KLHL12: variants seen among roughly 807,000 people sequenced by gnomAD.
The protein encoded by KLHL12 is kelch like family member 12.
In KLHL12, 17 loss-of-function variants were observed where a neutral mutation model predicts 60.8. That is an observed-to-expected ratio of 0.28 (90% CI 0.19 to 0.42). The LOEUF (loss-of-function observed/expected upper bound fraction) is 0.42, where lower values mean the gene tolerates loss of function less well. KLHL12 is among the 10% of genes least tolerant of loss of function. The pLI, the probability that KLHL12 is intolerant of heterozygous loss-of-function variation, is 1.00. For synonymous variants in KLHL12, 220 were observed against 250.9 expected, an observed-to-expected ratio of 0.88 and a Z score of 1.16; for missense variants, 468 against 722.3, an observed-to-expected ratio of 0.65 and a Z score of 4.04.
At chr1:202,894,104 G>A in intron 10 of KLHL12, 80 bp downstream of exon 10, 1 of 758,694 alleles carries the variant, frequency 1.3e-6, no homozygotes, top group Non-Finnish European at 2.2e-6. Context: ...TTAATCTACG[G>A]TTTGTCCCAT....
rs1194495042 is a variant in KLHL12 at position 202,893,888 on chromosome 1, T to G, written c.1393+296A>C. 6.6e-6 allele frequency among the ~76,000 whole-genome samples: 1 copy of G among 152,254 alleles called. No individual in the cohort carries two copies. The highest frequency in any genetic ancestry group is 1.5e-5 in the Non-Finnish European group (1 of 68,052). ...GTAAGTAGCTACTCTTTTGTCCTTATGCATTAGAGACTTTATTTAACAGAT... is the reference window on the plus strand; with the variant it reads ...GTAAGTAGCTACTCTTTTGTCCTTAGGCATTAGAGACTTTATTTAACAGAT... On this transcript the variant is annotated intron_variant, in intron 10 of 11. Coordinates refer to ENST00000367261, the MANE Select transcript of KLHL12 (RefSeq NM_021633.4). The surrounding 1 kb of genome is among the most constrained non-coding windows in gnomAD (Gnocchi z 4.1).
chr1:202,911,999 AT>A, intron 4 of KLHL12: 1 of 796,274 alleles, frequency 1.3e-6, no homozygotes, highest in Admixed American at 1.7e-5. Flanking sequence ...TTTGTCACAT[AT>A]GCCATTGTGG....
intron 2 of KLHL12, among the ~76,000 whole-genome samples, chr1:202,922,435 A>G (rs1253796425): frequency 6.3e-5 from 9 of 143,454 alleles, no homozygotes; most frequent in African/African-American, 1.8e-4. Context: ...GGCGTCAAGG[A>G]AAAAAAAAAA....
At chr1:202,924,432 G>A (rs1427299431) in intron 2 of KLHL12, among the ~76,000 whole-genome samples, 1 of 151,908 alleles carries the variant, frequency 6.6e-6, no homozygotes, top group Non-Finnish European at 1.5e-5. Context: ...TATCCCTCTG[G>A]TATTCACTTA....
intron 2 of KLHL12, 60 bp downstream of exon 2, chr1:202,924,908 T>G: frequency 6.4e-7 from 1 of 1,558,630 alleles, no homozygotes; most frequent in Non-Finnish European, 8.7e-7. Context: ...TTTTATTCAG[T>G]GAAATTAGAC....
intron 4 of KLHL12, chr1:202,914,962 C>G (rs1267556411): frequency 6.6e-6 from 1 of 151,432 alleles, no homozygotes; most frequent in Non-Finnish European, 1.5e-5. Flanking sequence ...TTGTAAACAC[C>G]ACTGCCCTCA....
intron 2 of KLHL12, among the ~76,000 whole-genome samples, chr1:202,923,882 C>CAAAG (rs386369351): frequency 6.6e-6 from 1 of 150,606 alleles, no homozygotes; most frequent in Non-Finnish European, 1.5e-5. Context: ...AAAAAACAAA[C>CAAAG]AAAAAACTTG....
Position 202,927,199 on chromosome 1 carries a change from C to T in KLHL12, c.-156G>A, listed in dbSNP as rs1007611720. 2.0e-6 allele frequency: 2 copies of T among 984,818 alleles called. No individual in the cohort carries two copies. Among genetic ancestry groups the T allele is most frequent in the East Asian group, 2.3e-4 (2 of 8,744 alleles). 61.0% of individuals were successfully genotyped at this position (984,818 alleles called of 1,614,324 possible). The stretch of plus-strand genomic sequence containing the variant: ...GGAGGAGCCGAAGCGCCGCCCAGAC[C>T]CGGAGGCTCTGGAGGCTCTGGAGCC... On this transcript the variant is annotated 5_prime_UTR_variant, in exon 1 of 12. Transcript: ENST00000367261.
chr1:202,910,650 C>T (rs1320404237), intron 5 of KLHL12, among the ~76,000 whole-genome samples: 1 of 152,116 alleles, frequency 6.6e-6, no homozygotes, highest in Non-Finnish European at 1.5e-5. Flanking sequence ...AAAGTTGACA[C>T]TAAAATGCAT....
At chr1:202,912,534 G>C (rs953330009) in intron 4 of KLHL12, 8 of 1,018,364 alleles carry the variant, frequency 7.9e-6, no homozygotes, top group Non-Finnish European at 1.2e-5. Flanking sequence ...AATTTTGGAG[G>C]TGGTGGAAGC....
intron 7 of KLHL12, among the ~76,000 whole-genome samples, chr1:202,896,065 A>AT (rs1659822795): frequency 6.6e-6 from 1 of 152,212 alleles, no homozygotes; most frequent in Non-Finnish European, 1.5e-5. Context: ...GTATTCCCAC[A>AT]TTGCTAATCA....
chr1:202,912,622 C>T, intron 4 of KLHL12: 1 of 1,342,872 alleles, frequency 7.4e-7, no homozygotes, highest in East Asian at 2.3e-5. Flanking sequence ...GAGGCAGAAG[C>T]TCTGGGCCCC....
At chr1:202,918,491 C>T in intron 3 of KLHL12, 103 bp from the exon 4 acceptor site, 1 of 871,182 alleles carries the variant, frequency 1.1e-6, no homozygotes, top group Non-Finnish European at 1.8e-6. Flanking sequence ...ATCAGATGAA[C>T]CCTTGTTTCA....
At chr1:202,903,919 T>C (rs1660101017) in intron 6 of KLHL12, among the ~76,000 whole-genome samples, 1 of 151,584 alleles carries the variant, frequency 6.6e-6, no homozygotes, top group Non-Finnish European at 1.5e-5. Context: ...CTCTTGGCCC[T>C]GTCTCATGCA....
upstream of KLHL12, among the ~76,000 whole-genome samples, chr1:202,928,130 C>T (rs1339282824): frequency 2.0e-5 from 3 of 151,528 alleles, no homozygotes; most frequent in Non-Finnish European, 4.4e-5. Flanking sequence ...AAAAAATTGG[C>T]TGGGCGTAGT....
chr1:202,927,981 T>TA (rs375809629), upstream of KLHL12, among the ~76,000 whole-genome samples: 67,254 of 103,482 alleles, frequency 0.65, 20,156 homozygotes, highest in Non-Finnish European at 0.7. Context: ...CTCTGTCTCT[T>TA]AAAAAAAAAA....
At chr1:202,923,924 A>G (rs894535063) in intron 2 of KLHL12, among the ~76,000 whole-genome samples, 2 of 152,192 alleles carry the variant, frequency 1.3e-5, no homozygotes. Context: ...CAGTGTTTTC[A>G]TAATGAAATA....
chr1:202,898,959 T>G (rs1301816235), intron 6 of KLHL12, among the ~76,000 whole-genome samples: 1 of 151,174 alleles, frequency 6.6e-6, no homozygotes, highest in Non-Finnish European at 1.5e-5. Context: ...TTTCCTTATC[T>G]TTTAGAGACA....
intron 6 of KLHL12, among the ~76,000 whole-genome samples, chr1:202,899,082 G>A (rs1659926417): frequency 6.6e-6 from 1 of 151,994 alleles, no homozygotes; most frequent in Non-Finnish European, 1.5e-5. Flanking sequence ...GGAGGCCAAG[G>A]CTGGCAGATC....
Sources: allele counts gnomAD v4.1 joint callset (sites outside exome capture counted in the v4.1 genomes callset), GRCh38; gene constraint gnomAD v4.1.1; non-coding constraint Gnocchi (gnomAD v3.1); transcripts MANE v1.5; gene names NCBI Gene and HGNC (gene_info 2026-07-23, HGNC 2026-07-21).